The following HCN2 variants were observed in gnomAD, a reference collection of about 807,000 sequenced individuals.
HCN2 encodes hyperpolarization activated cyclic nucleotide gated potassium and sodium channel 2.
In HCN2, 20 loss-of-function variants were observed where a neutral mutation model predicts 52.3. The ratio of observed to expected loss-of-function variants is 0.38; its 90% CI spans 0.27 to 0.56. HCN2 has a LOEUF of 0.56. HCN2 is among the 20% of genes least tolerant of loss of function. The probability of loss-of-function intolerance (pLI) is 0.71; values close to 1 mark genes in which losing one functional copy is unlikely to be tolerated. For synonymous variants in HCN2, 694 were observed against 537.0 expected, an observed-to-expected ratio of 1.29 and a Z score of -4.04; for missense variants, 981 against 1,207.7, an observed-to-expected ratio of 0.81 and a Z score of 2.78.
Position 605,770 on chromosome 19 carries a change from TGGAGGGAAGGACTC to T in HCN2, c.1218+551_1218+564del, listed in dbSNP as rs1165436896. On this transcript the variant is annotated intron_variant, in intron 3 of 7. Coordinates refer to ENST00000251287, the MANE Select transcript of HCN2 (RefSeq NM_001194.4). ...AGGTGGGGACCCAGGCGCCCCCTTA[TGGAGGGAAGGACTC>T]GGGCCCTTACAGAGGCGGGGACCCA... Among the ~76,000 whole-genome samples, 71 of 129,976 alleles carry T rather than the reference TGGAGGGAAGGACTC, an allele frequency of 5.5e-4. 4 individuals are homozygous for T. Among genetic ancestry groups the T allele is most frequent in the African/African-American group, 1.5e-3 (51 of 33,190 alleles). The allele number at this position is 129,976 out of a possible 152,430, so 85.3% of individuals were successfully genotyped here.
chr19:590,068 C>T lies in HCN2; in HGVS notation c.123C>T (p.Pro41=), dbSNP rs1229264298. Residue 41 remains proline (P), a synonymous_variant, in exon 1 of 8, where the codon CCC becomes CCT. Coordinates refer to ENST00000251287, the MANE Select transcript of HCN2 (RefSeq NM_001194.4). This position sits in a 1 kb window ranked among gnomAD's most constrained non-coding sequence, Gnocchi z 7.2. ...PQQQPPPPPP[P]APPPGPGPAP... ...AGCAGCCGCCGCCGCCGCCGCCGCC[C>T]GCGCCCCCCCCGGGCCCCGGGCCCG... The T allele has an allele frequency of 3.2e-6, 2 of 622,760 alleles. No individual in the cohort carries two copies. Among genetic ancestry groups the T allele is most frequent in the Admixed American group, 6.8e-5 (1 of 14,600 alleles). 38.6% of individuals were successfully genotyped at this position (622,760 alleles called of 1,614,324 possible). A position where few individuals can be genotyped will look rare whatever the true frequency, so the allele number is the denominator to read the frequency against.
intron 1 of HCN2, among the ~76,000 whole-genome samples, chr19:594,555 C>T (rs1982966854): frequency 6.6e-6 from 1 of 152,166 alleles, no homozygotes; most frequent in Non-Finnish European, 1.5e-5. Flanking sequence ...CTCCAAGACC[C>T]CACCAGGACA....
In HCN2 at chr19:605,204, G is replaced by A. The variant is rs1365331316; in HGVS notation, c.1200G>A (p.Val400=). The change falls in exon 3 of 8, where the codon GTG becomes GTA. Residue 400 remains valine, a synonymous_variant. Coordinates refer to ENST00000251287, the MANE Select transcript of HCN2 (RefSeq NM_001194.4). ...MLQDFPRNCW[V]SINGMVNHSW... is the part of the protein sequence containing the mutation. ...AGGACTTCCCGCGCAACTGCTGGGT[G>A]TCCATCAATGGCATGGTGGTGAGCG... 1 of 1,610,726 alleles carries A rather than the reference G, an allele frequency of 6.2e-7. No homozygotes were observed. Among genetic ancestry groups the A allele is most frequent in the Non-Finnish European group, 8.5e-7 (1 of 1,179,498 alleles).
chr19:590,632 CG>C lies in HCN2; in HGVS notation c.632+59del. ...GAGGGGGCCCGGGGAGCCGGGCGCGCGGGGAGCCGTCCTTGGAGCGCCTGGG... is the reference window on the plus strand; with the variant it reads ...GAGGGGGCCCGGGGAGCCGGGCGCGCGGGAGCCGTCCTTGGAGCGCCTGGG... On this transcript the variant is annotated intron_variant, in intron 1 of 7. Coordinates refer to ENST00000251287, the MANE Select transcript of HCN2 (RefSeq NM_001194.4). This position sits in a 1 kb window ranked among gnomAD's most constrained non-coding sequence, Gnocchi z 7.2. The C allele has an allele frequency of 8.0e-7, 1 of 1,251,664 alleles. No homozygotes were observed. The highest frequency in any genetic ancestry group is 2.7e-5 in the South Asian group (1 of 36,842). 77.5% of individuals were successfully genotyped at this position (1,251,664 alleles called of 1,614,324 possible).
chr19:596,744 A>T (rs141750626), intron 1 of HCN2, among the ~76,000 whole-genome samples: 94 of 152,126 alleles, frequency 6.2e-4, no homozygotes, highest in African/African-American at 2.2e-3. Context: ...GGCTGCACAG[A>T]GTGTGAGGGG....
At position 592,457 on chromosome 19, in the gene HCN2, C is replaced by T. The variant is rs767999896; in HGVS notation, c.632+1880C>T. 5.3e-5 allele frequency among the ~76,000 whole-genome samples: 8 copies of T among 152,082 alleles called. No homozygotes were observed. The highest frequency in any genetic ancestry group is 2.0e-4 in the Admixed American group (3 of 15,274). On this transcript the variant is annotated intron_variant, in intron 1 of 7. Coordinates refer to ENST00000251287, the MANE Select transcript of HCN2 (RefSeq NM_001194.4). This position sits in a 1 kb window ranked among gnomAD's most constrained non-coding sequence, Gnocchi z 4.8. ...CTCTCATCCTTCCACCCTCCTTGGG[C>T]GTGGTCGCCTGGAGGCCTGGGCAGG...
chr19:597,280 C>T (rs774083344), intron 1 of HCN2, among the ~76,000 whole-genome samples: 7 of 152,182 alleles, frequency 4.6e-5, no homozygotes, highest in Non-Finnish European at 1.0e-4. Context: ...CAGTGTGGGC[C>T]GTGGATAAGA....
At chr19:596,230 C>T (rs1167124452) in intron 1 of HCN2, among the ~76,000 whole-genome samples, 1 of 152,254 alleles carries the variant, frequency 6.6e-6, no homozygotes. Flanking sequence ...TCCCATCCCA[C>T]TGTTTCACTT....
At chr19:615,705 G>A in intron 7 of HCN2, 90 bp from the exon 8 acceptor site, 1 of 1,279,824 alleles carries the variant, frequency 7.8e-7, no homozygotes, top group South Asian at 1.2e-5. Flanking sequence ...CAAGCACTGT[G>A]TGCGCACCCG....
chr19:601,923 T>C (rs879336484), intron 1 of HCN2, among the ~76,000 whole-genome samples: 4 of 151,932 alleles, frequency 2.6e-5, no homozygotes, highest in Non-Finnish European at 5.9e-5. Flanking sequence ...TCTGGCCGGG[T>C]GTATCTGGGA....
intron 5 of HCN2, among the ~76,000 whole-genome samples, chr19:611,764 C>CTA (rs1983645737): frequency 6.6e-6 from 1 of 152,152 alleles, no homozygotes; most frequent in Non-Finnish European, 1.5e-5. Context: ...GGGTGTTAGT[C>CTA]ACCAGCTCAC....
intron 3 of HCN2, among the ~76,000 whole-genome samples, chr19:606,134 C>T (rs542861958): frequency 2.6e-5 from 4 of 152,152 alleles, no homozygotes; most frequent in Admixed American, 6.5e-5. Flanking sequence ...GAGTTTCACT[C>T]TGTCGCCCAG....
chr19:613,402 A>T lies in HCN2; in HGVS notation c.1739A>T (p.Lys580Met), dbSNP rs1353190791. The T allele has an allele frequency of 4.3e-6, 7 of 1,612,524 alleles. No individual in the cohort carries two copies. Among genetic ancestry groups the T allele is most frequent in the Non-Finnish European group, 5.1e-6 (6 of 1,179,768 alleles). Residue 580 changes from lysine (K) to methionine (M), a missense_variant, in exon 6 of 8, where the codon AAG (lysine) becomes ATG (methionine). Lys to Met is a moderately conservative substitution (Grantham distance 95). Around this residue, in one of 6 missense-constraint regions of HCN2, gnomAD observed 282 missense variants for 553.8 expected, o/e 0.51. Transcript: ENST00000251287. Reference protein sequence around the residue: ...YIIREGTIGKKMYFIQHGVVS... With the variant: ...YIIREGTIGKMMYFIQHGVVS... The stretch of plus-strand genomic sequence containing the variant: ...ATCCGCGAAGGCACCATCGGGAAGA[A>T]GATGTACTTCATCCAGCACGGCGTG...
intron 1 of HCN2, among the ~76,000 whole-genome samples, chr19:600,904 C>T (rs1351365477): frequency 1.3e-5 from 2 of 152,222 alleles, no homozygotes; most frequent in Non-Finnish European, 2.9e-5. Flanking sequence ...TTCTCATTCC[C>T]CCGGACAGAA....
At chr19:604,062 G>A in intron 2 of HCN2, 95 bp downstream of exon 2, 1 of 919,046 alleles carries the variant, frequency 1.1e-6, no homozygotes, top group East Asian at 2.9e-5. Flanking sequence ...CTATAATGGT[G>A]CATGGGTGGG....
intron 1 of HCN2, among the ~76,000 whole-genome samples, chr19:598,981 C>T (rs1983119224): frequency 6.6e-6 from 1 of 152,164 alleles, no homozygotes; most frequent in Non-Finnish European, 1.5e-5. Flanking sequence ...CTCAGCCCCT[C>T]CCCATCCCGA....
At chr19:611,779 C>G (rs936163865) in intron 5 of HCN2, among the ~76,000 whole-genome samples, 2 of 152,140 alleles carry the variant, frequency 1.3e-5, no homozygotes, top group African/African-American at 4.8e-5. Flanking sequence ...GCTCACTCCC[C>G]GTCCCCAGCC....
At chr19:610,556 CCCCG>C in intron 5 of HCN2, 151 bp downstream of exon 5, 1 of 668,770 alleles carries the variant, frequency 1.5e-6, no homozygotes. Context: ...ACCCTCCCCT[CCCCG>C]CCCCGTGAGC....
At chr19:593,452 T>G (rs1009404042) in intron 1 of HCN2, among the ~76,000 whole-genome samples, 5 of 152,068 alleles carry the variant, frequency 3.3e-5, no homozygotes, top group Non-Finnish European at 7.4e-5. Flanking sequence ...TGATCCCGTC[T>G]CTACTAAAAA....
Sources: allele counts gnomAD v4.1 joint callset (sites outside exome capture counted in the v4.1 genomes callset), GRCh38; gene constraint gnomAD v4.1.1; regional missense constraint gnomAD v4.1.1; non-coding constraint Gnocchi (gnomAD v3.1); transcripts MANE v1.5; gene names NCBI Gene and HGNC (gene_info 2026-07-23, HGNC 2026-07-21).